The following CCDC171 variants were observed in gnomAD, a reference collection of about 807,000 sequenced individuals.
CCDC171 encodes coiled-coil domain-containing protein 171.
CCDC171 carries 177 observed loss-of-function variants against 168.2 expected under a neutral mutation model. That is an observed-to-expected ratio of 1.05 (90% CI 0.93 to 1.19). The LOEUF is 1.19. Ranked by LOEUF, CCDC171 falls within the 50% of genes most tolerant of loss-of-function variation. The pLI is 0.00. For synonymous variants in CCDC171, 687 were observed against 540.8 expected, an observed-to-expected ratio of 1.27 and a Z score of -3.75; for missense variants, 1,991 against 1,539.0, an observed-to-expected ratio of 1.29 and a Z score of -4.91.
chr9:15,901,926 C>G (rs140601323), intron 24 of CCDC171, among the ~76,000 whole-genome samples: 15 of 152,202 alleles, frequency 9.9e-5, no homozygotes, highest in African/African-American at 3.4e-4. Flanking sequence ...ACTTTAAAAT[C>G]TTCTCTGTAA....
At chr9:15,874,410 A>G (rs1817570992) in intron 23 of CCDC171, 122 bp from the exon 24 acceptor site, 1 of 722,904 alleles carries the variant, frequency 1.4e-6, no homozygotes, top group Non-Finnish European at 2.1e-6. Flanking sequence ...TCCTAAATTT[A>G]TTCATGGATT....
At chr9:15,667,749 G>T (rs1466396519) in intron 9 of CCDC171, among the ~76,000 whole-genome samples, 2 of 152,192 alleles carry the variant, frequency 1.3e-5, no homozygotes, top group Non-Finnish European at 1.5e-5. Flanking sequence ...AAATCACGAA[G>T]ATTGCACCTG....
At chr9:15,558,178 G>A (rs2038971824) in intron 1 of CCDC171, among the ~76,000 whole-genome samples, 1 of 151,284 alleles carries the variant, frequency 6.6e-6, no homozygotes, top group Non-Finnish European at 1.5e-5. Flanking sequence ...ATGTTCATCA[G>A]GGATATTGGC....
intron 7 of CCDC171, among the ~76,000 whole-genome samples, chr9:15,649,063 G>C (rs1010784300): frequency 1.3e-5 from 2 of 152,130 alleles, no homozygotes; most frequent in African/African-American, 4.8e-5. Flanking sequence ...TAGACCAATG[G>C]AACAGAACGG....
chr9:15,688,652 C>T (rs2050577886), intron 10 of CCDC171, among the ~76,000 whole-genome samples: 1 of 152,122 alleles, frequency 6.6e-6, no homozygotes, highest in Non-Finnish European at 1.5e-5. Flanking sequence ...ATGCAGCATC[C>T]TTTTATGATA....
Position 15,902,245 on chromosome 9 carries a change from C to CAT in CCDC171, c.3601-18010_3601-18009dup, listed in dbSNP as rs944291659. 3.2e-3 allele frequency among the ~76,000 whole-genome samples: 345 copies of CAT among 107,496 alleles called. 1 individual carries two copies. Among genetic ancestry groups the CAT allele is most frequent in the African/African-American group, 0.013 (301 of 23,200 alleles). The allele number at this position is 107,496 out of a possible 152,430, so 70.5% of individuals were successfully genotyped here. ...CAAAATGATACAAAGCTATAAAATT[C>CAT]ATATATATATATATATGTATATATA... On this transcript the variant is annotated intron_variant, in intron 24 of 25. Transcript: ENST00000380701.
intron 23 of CCDC171, among the ~76,000 whole-genome samples, chr9:15,855,809 AT>A (rs2061329207): frequency 6.6e-6 from 1 of 151,880 alleles, no homozygotes; most frequent in Non-Finnish European, 1.5e-5. Context: ...TGTTTAAAAA[AT>A]TTTGCTCTTA....
At chr9:15,771,085 A>T (rs1226169295) in intron 18 of CCDC171, among the ~76,000 whole-genome samples, 2 of 152,186 alleles carry the variant, frequency 1.3e-5, no homozygotes, top group African/African-American at 4.8e-5. Flanking sequence ...TATCTACTGT[A>T]ATTTACTCAG....
intron 24 of CCDC171, among the ~76,000 whole-genome samples, chr9:15,911,467 T>C (rs1191070836): frequency 6.6e-6 from 1 of 152,230 alleles, no homozygotes; most frequent in Non-Finnish European, 1.5e-5. Flanking sequence ...GATGGATAGA[T>C]TGCAGTAATT....
intron 6 of CCDC171, among the ~76,000 whole-genome samples, chr9:15,596,362 T>A (rs1323362955): frequency 6.6e-6 from 1 of 151,596 alleles, no homozygotes; most frequent in African/African-American, 2.4e-5. Context: ...TTTCTACATA[T>A]GGCTAGCCAG....
chr9:15,657,288 A>T (rs2048011806), intron 8 of CCDC171, 69 bp downstream of exon 8: 1 of 895,930 alleles, frequency 1.1e-6, no homozygotes, highest in African/African-American at 1.7e-5. Context: ...GAAAAACAGC[A>T]CTGTGTTCAG....
intron 6 of CCDC171, among the ~76,000 whole-genome samples, chr9:16,034,332 T>G (rs1833424281): frequency 6.6e-6 from 1 of 152,164 alleles, no homozygotes; most frequent in Non-Finnish European, 1.5e-5. Flanking sequence ...CCACCTAATT[T>G]GACACACATT....
Position 15,729,729 on chromosome 9 carries a change from G to T in CCDC171, c.1980G>T (p.Trp660Cys). The change falls in exon 16 of 26, where the codon TGG (tryptophan) becomes TGT (cysteine). Residue 660 changes from tryptophan to cysteine, a missense_variant. Transcript: ENST00000380701. The stretch of plus-strand genomic sequence containing the variant: ...AGATCAAAGCCCAAGAGAGCTGCTG[G>T]CACAGACAAAAGAAGGAACTAGAGC... ...AEQIKAQESC[W>C]HRQKKELELQ... The T allele has an allele frequency of 1.2e-6, 2 of 1,613,446 alleles. No homozygotes were observed. Among genetic ancestry groups the T allele is most frequent in the Non-Finnish European group, 1.7e-6 (2 of 1,179,528 alleles).
chr9:15,901,839 G>A (rs1821709509), intron 24 of CCDC171, among the ~76,000 whole-genome samples: 1 of 152,112 alleles, frequency 6.6e-6, no homozygotes, highest in African/African-American at 2.4e-5. Flanking sequence ...AAATATGTAT[G>A]TAACTGTTAA....
At chr9:15,623,612 A>C (rs559413574) in intron 7 of CCDC171, among the ~76,000 whole-genome samples, 199 bp downstream of exon 7, 105 of 152,096 alleles carry the variant, frequency 6.9e-4, no homozygotes, top group African/African-American at 2.2e-3. Flanking sequence ...CTTCTTTGAA[A>C]ATTTTTGTAT....
At chr9:15,636,970 T>C (rs1160952385) in intron 7 of CCDC171, among the ~76,000 whole-genome samples, 6 of 151,570 alleles carry the variant, frequency 4.0e-5, no homozygotes, top group Non-Finnish European at 7.4e-5. Flanking sequence ...GTTAAGAAAA[T>C]ATCGGCTGGG....
intron 23 of CCDC171, among the ~76,000 whole-genome samples, chr9:15,862,599 A>T (rs2061607599): frequency 6.8e-6 from 1 of 148,006 alleles, no homozygotes. Flanking sequence ...ATTTTCCTTG[A>T]CTCTTTGTGT....
chr9:15,961,959 G>GTT (rs1175085521), intron 25 of CCDC171, among the ~76,000 whole-genome samples: 1 of 152,092 alleles, frequency 6.6e-6, no homozygotes, highest in Admixed American at 6.6e-5. Flanking sequence ...CATGCCACCT[G>GTT]TTTTTGTATG....
At position 16,058,052 on chromosome 9, in the gene CCDC171, A is replaced by T. The variant is rs528982335; in HGVS notation, n.90-2594A>T. On this transcript the variant is annotated intron_variant and non_coding_transcript_variant, in intron 1 of 1. Transcript: ENST00000478913. ...AGTTGTGAATTTTTTGAAAAAAAAA[A>T]AATAATAATAATAATAATAAATTGG... is the stretch of plus-strand genomic sequence containing the variant. Among the ~76,000 whole-genome samples the T allele has an allele frequency of 8.6e-3, 1,291 of 150,922 alleles. 7 individuals carry two copies. The highest frequency in any genetic ancestry group is 0.011 in the Non-Finnish European group (751 of 67,896).
Sources: gnomAD v4.1 joint callset for allele counts (sites outside exome capture counted in the v4.1 genomes callset) on GRCh38, gnomAD v4.1.1 for gene constraint, MANE v1.5 for transcripts, NCBI Gene and HGNC (gene_info 2026-07-23, HGNC 2026-07-21) for gene names.